The following ARHGAP10 variants were observed in gnomAD, a reference collection of about 807,000 sequenced individuals.
ARHGAP10 encodes rho GTPase-activating protein 10.
ARHGAP10 carries 87 observed loss-of-function variants against 108.6 expected under a neutral mutation model. That is an observed-to-expected ratio of 0.80 (90% confidence interval 0.67 to 0.96). ARHGAP10 has a LOEUF of 0.96. ARHGAP10 is among the 40% of genes least tolerant of loss of function. The pLI is 0.00. For missense variants in ARHGAP10, 939 were observed against 954.5 expected (o/e 0.98, Z 0.21); for synonymous variants, 347 against 341.1 (o/e 1.02, Z -0.19).
intron 15 of ARHGAP10, among the ~76,000 whole-genome samples, chr4:147,950,277 T>A (rs565726402): frequency 1.3e-5 from 2 of 152,308 alleles, no homozygotes; most frequent in East Asian, 3.9e-4. Flanking sequence ...CTCTAAATTT[T>A]GGTGATGCAT....
intron 18 of ARHGAP10, among the ~76,000 whole-genome samples, chr4:147,969,680 G>A (rs1739333564): frequency 6.6e-6 from 1 of 152,134 alleles, no homozygotes; most frequent in Non-Finnish European, 1.5e-5. Flanking sequence ...TTTGTCTGCT[G>A]GGAAGTAGAT....
chr4:147,892,837 T>C (rs924274029), intron 10 of ARHGAP10, among the ~76,000 whole-genome samples: 2 of 152,064 alleles, frequency 1.3e-5, no homozygotes, highest in Non-Finnish European at 2.9e-5. Flanking sequence ...ATTTTAACTG[T>C]GTGTTTGGGG....
intron 20 of ARHGAP10, among the ~76,000 whole-genome samples, chr4:148,047,467 G>C (rs1201618439): frequency 1.3e-5 from 2 of 152,250 alleles, no homozygotes; most frequent in Non-Finnish European, 2.9e-5. Context: ...CATTATGCTA[G>C]CATTCTGCTC....
Position 148,072,090 on chromosome 4 carries a change from C to T in ARHGAP10, c.*9C>T, listed in dbSNP as rs747780427. ...ACGTCAAGCTGCTGTAGCTCCTGGC[C>T]TCAGAGCCCCTGCTGACCCTGGCAC... On this transcript the variant is annotated 3_prime_UTR_variant, in exon 23 of 23. Transcript: ENST00000336498. 9 of 1,608,500 alleles carry T rather than the reference C, an allele frequency of 5.6e-6. No individual in the cohort carries two copies. Among genetic ancestry groups the T allele is most frequent in the South Asian group, 2.2e-5 (2 of 90,244 alleles).
intron 7 of ARHGAP10, among the ~76,000 whole-genome samples, chr4:147,869,429 T>G (rs973833290): frequency 2.0e-5 from 3 of 152,226 alleles, no homozygotes; most frequent in African/African-American, 7.2e-5. Flanking sequence ...AGCAATATTC[T>G]GTCTGGAAAT....
At chr4:148,062,614 T>G (rs1213950249) in intron 20 of ARHGAP10, among the ~76,000 whole-genome samples, 1 of 152,222 alleles carries the variant, frequency 6.6e-6, no homozygotes, top group Non-Finnish European at 1.5e-5. Context: ...AGAAATGCTC[T>G]GGTCACCAGA....
chr4:147,937,906 G>A (rs1400292545), intron 13 of ARHGAP10, among the ~76,000 whole-genome samples: 3 of 152,198 alleles, frequency 2.0e-5, no homozygotes, highest in African/African-American at 7.2e-5. Flanking sequence ...TTGAACCTGT[G>A]AGGTGGAGGT....
At chr4:147,859,273 CTTTT>C (rs34375248) in intron 5 of ARHGAP10, among the ~76,000 whole-genome samples, 3 of 135,290 alleles carry the variant, frequency 2.2e-5, no homozygotes, top group Non-Finnish European at 4.7e-5. Flanking sequence ...TTTCATATTC[CTTTT>C]TTTTTTTTTT....
chr4:147,957,535 G>A (rs1738830427), intron 16 of ARHGAP10, among the ~76,000 whole-genome samples: 2 of 152,206 alleles, frequency 1.3e-5, no homozygotes, highest in African/African-American at 4.8e-5. Context: ...TTTTGCTCAA[G>A]TGTCTGTTAG....
intron 5 of ARHGAP10, 106 bp downstream of exon 5, chr4:147,857,760 A>G (rs889704828): frequency 9.7e-7 from 1 of 1,030,062 alleles, no homozygotes; most frequent in Non-Finnish European, 1.3e-6. Flanking sequence ...CATTATATAG[A>G]GATAACAAAA....
intron 19 of ARHGAP10, among the ~76,000 whole-genome samples, chr4:148,037,146 C>A (rs939855499): frequency 6.6e-6 from 1 of 152,120 alleles, no homozygotes; most frequent in Non-Finnish European, 1.5e-5. Flanking sequence ...TGACAAGATG[C>A]AAAATCAAAA....
intron 1 of ARHGAP10, among the ~76,000 whole-genome samples, chr4:147,740,264 G>T (rs950232415): frequency 3.3e-5 from 5 of 152,100 alleles, no homozygotes; most frequent in African/African-American, 1.2e-4. Context: ...CACCATGTTG[G>T]CCAGGCTGGT....
intron 1 of ARHGAP10, among the ~76,000 whole-genome samples, chr4:147,734,900 T>C (rs2126672249): frequency 6.6e-6 from 1 of 152,300 alleles, no homozygotes; most frequent in East Asian, 1.9e-4. Context: ...TTCCAGATAT[T>C]TTATATTTTA....
At chr4:148,037,816 AG>A (rs1208054031) in intron 19 of ARHGAP10, among the ~76,000 whole-genome samples, 11 of 149,572 alleles carry the variant, frequency 7.4e-5, no homozygotes, top group African/African-American at 2.2e-4. Context: ...GCCTGGTGAC[AG>A]GGTGAGACTC....
At chr4:147,890,992 A>G (rs559416935) in intron 10 of ARHGAP10, among the ~76,000 whole-genome samples, 17 of 152,372 alleles carry the variant, frequency 1.1e-4, no homozygotes, top group African/African-American at 3.8e-4. Context: ...TACTGGCAAG[A>G]ATGTAGAGAA....
chr4:148,046,129 A>G (rs1023566214), intron 19 of ARHGAP10, among the ~76,000 whole-genome samples: 7 of 152,256 alleles, frequency 4.6e-5, no homozygotes, highest in African/African-American at 1.7e-4. Context: ...AAGAAGACCA[A>G]TAGAGGGAAA....
intron 4 of ARHGAP10, among the ~76,000 whole-genome samples, 159 bp downstream of exon 4, chr4:147,847,381 G>T (rs903767360): frequency 1.3e-5 from 2 of 152,204 alleles, no homozygotes; most frequent in African/African-American, 4.8e-5. Context: ...TATGGAATTG[G>T]AAACAAAACA....
At chr4:148,042,599 A>G (rs1425274208) in intron 19 of ARHGAP10, among the ~76,000 whole-genome samples, 2 of 152,084 alleles carry the variant, frequency 1.3e-5, no homozygotes, top group African/African-American at 4.8e-5. Context: ...CGCTCCTGAC[A>G]CTGGTAACTC....
At chr4:148,064,205 C>G (rs1183522552) in intron 21 of ARHGAP10, among the ~76,000 whole-genome samples, 2 of 152,116 alleles carry the variant, frequency 1.3e-5, no homozygotes, top group African/African-American at 4.8e-5. Context: ...GAGAGGCTCC[C>G]TGAGGAAAGG....
Sources: gnomAD v4.1 joint callset for allele counts (sites outside exome capture counted in the v4.1 genomes callset) on GRCh38, gnomAD v4.1.1 for gene constraint, MANE v1.5 for transcripts, NCBI Gene and HGNC (gene_info 2026-07-23, HGNC 2026-07-21) for gene names.